The following PEPD variants were observed in gnomAD, a reference collection of about 807,000 sequenced individuals.
The protein encoded by PEPD is peptidase D, also known as xaa-Pro dipeptidase.
In PEPD, 53 loss-of-function variants were observed where a neutral mutation model predicts 60.7. The observed-to-expected ratio is 0.87, with a 90% CI of 0.70 to 1.10. The LOEUF is 1.10. Among genes scored for constraint, PEPD ranks in the 50% least tolerant of loss-of-function variants. The pLI is 0.00. For missense variants in PEPD, 711 were observed against 711.9 expected (o/e 1.00, Z 0.01); for synonymous variants, 267 against 284.1 (o/e 0.94, Z 0.60).
chr19:33,393,407 C>T (rs966742896), intron 12 of PEPD, among the ~76,000 whole-genome samples: 6 of 152,178 alleles, frequency 3.9e-5, no homozygotes, highest in African/African-American at 7.2e-5. Flanking sequence ...TGGCCCAGCC[C>T]GCACCCCTGG....
At chr19:33,458,048 C>T (rs73035092) in intron 9 of PEPD, among the ~76,000 whole-genome samples, 5 of 152,042 alleles carry the variant, frequency 3.3e-5, no homozygotes, top group Non-Finnish European at 7.4e-5. Context: ...GTATGTGAGG[C>T]ATGTGGTGGG....
chr19:33,411,179 C>T (rs894260674), intron 11 of PEPD, among the ~76,000 whole-genome samples: 2 of 152,222 alleles, frequency 1.3e-5, no homozygotes, highest in Non-Finnish European at 2.9e-5. Flanking sequence ...CACGGGTCAG[C>T]ACTGCTGACT....
Position 33,519,966 on chromosome 19 carries a change from C to T in PEPD, c.17+1778G>A, listed in dbSNP as rs555286121. ...CCTGTAATTCCAGCTACTCAGGAGG[C>T]TGAGGCAGAAGACTCGCTTGAACCT... is the stretch of plus-strand genomic sequence containing the variant. On this transcript the variant is annotated intron_variant, in intron 1 of 14. Coordinates refer to ENST00000244137, the MANE Select transcript of PEPD (RefSeq NM_000285.4). Among the ~76,000 whole-genome samples, 18 of 151,992 alleles carry T rather than the reference C, an allele frequency of 1.2e-4. No homozygotes were observed. The South Asian group carries it at 3.7e-3, about 32-fold the overall frequency.
At chr19:33,442,147 C>A (rs568673076) in intron 9 of PEPD, among the ~76,000 whole-genome samples, 6 of 152,172 alleles carry the variant, frequency 3.9e-5, no homozygotes, top group African/African-American at 1.4e-4. Context: ...GCCTGTAATC[C>A]CAGCACTTTA....
chr19:33,450,178 G>A (rs959469736), intron 9 of PEPD, among the ~76,000 whole-genome samples: 2 of 152,180 alleles, frequency 1.3e-5, no homozygotes, highest in African/African-American at 2.4e-5. Context: ...TGAGTTGCTC[G>A]TCCCTCCAGA....
chr19:33,496,523 T>G (rs775531431), intron 4 of PEPD, among the ~76,000 whole-genome samples: 1 of 152,050 alleles, frequency 6.6e-6, no homozygotes, highest in Non-Finnish European at 1.5e-5. Flanking sequence ...AGTGCTACGC[T>G]CTCATCAGCA....
rs750217246 is a variant in PEPD, at chr19:33,493,296, G to A, written c.435C>T (p.Leu145=). ...CTGGACACCAGCCACTTACCAAAGT[G>A]AGGAGGACAGAGGGCTTCTGTGACG... The part of the protein sequence containing the change: ...VLTSQKPSVL[L]TLRGVNTDSG... Residue 145 remains leucine, a synonymous_variant, in exon 5 of 15, where the codon CTC becomes CTT. Coordinates refer to ENST00000244137, the MANE Select transcript of PEPD (RefSeq NM_000285.4). 6.2e-7 allele frequency: 1 copy of A among 1,612,890 alleles called. No homozygotes were observed. Among genetic ancestry groups the A allele is most frequent in the South Asian group, 1.1e-5 (1 of 91,022 alleles).
At chr19:33,505,239 C>A (rs997006217) in intron 3 of PEPD, among the ~76,000 whole-genome samples, 55 of 152,134 alleles carry the variant, frequency 3.6e-4, no homozygotes, top group African/African-American at 1.3e-3. Flanking sequence ...TGCTGCCTCG[C>A]CGACTCTCAC....
chr19:33,431,367 C>T (rs544185608), intron 9 of PEPD, among the ~76,000 whole-genome samples: 3 of 152,222 alleles, frequency 2.0e-5, no homozygotes, highest in African/African-American at 7.2e-5. Context: ...TCCAGGTCCC[C>T]GCCGGAGGCC....
At chr19:33,515,138 C>T (rs1971002086) in intron 1 of PEPD, among the ~76,000 whole-genome samples, 1 of 152,220 alleles carries the variant, frequency 6.6e-6, no homozygotes, top group Non-Finnish European at 1.5e-5. Flanking sequence ...TGGTGCCTTG[C>T]CTGACACACA....
intron 11 of PEPD, 47 bp from the exon 12 acceptor site, chr19:33,401,916 C>T: frequency 6.3e-7 from 1 of 1,593,518 alleles, no homozygotes; most frequent in Non-Finnish European, 8.6e-7. Flanking sequence ...GGTGCCACCG[C>T]CCCCTTACCC....
chr19:33,521,696 G>A (rs754079842), intron 1 of PEPD, 48 bp downstream of exon 1: 15 of 1,558,562 alleles, frequency 9.6e-6, no homozygotes, highest in Non-Finnish European at 1.3e-5. Flanking sequence ...GGACACCCAT[G>A]CCCCTCTCCA....
intron 14 of PEPD, 32 bp from the exon 15 acceptor site, chr19:33,387,513 A>G: frequency 1.2e-6 from 2 of 1,612,182 alleles, no homozygotes; most frequent in Non-Finnish European, 1.7e-6. Context: ...ACATTATCAT[A>G]GAGCAGCCTC....
At chr19:33,459,330 T>A (rs1208233651) in intron 9 of PEPD, among the ~76,000 whole-genome samples, 47 of 152,154 alleles carry the variant, frequency 3.1e-4, no homozygotes, top group Admixed American at 3.1e-3. Context: ...GTCATACACA[T>A]CGCGTTATTA....
At chr19:33,387,665 C>T (rs980510670) in intron 14 of PEPD, 184 bp from the exon 15 acceptor site, 2 of 844,954 alleles carry the variant, frequency 2.4e-6, no homozygotes, top group Non-Finnish European at 3.8e-6. Flanking sequence ...CCTGTCTTTG[C>T]CAGGTGGATG....
intron 9 of PEPD, among the ~76,000 whole-genome samples, chr19:33,452,735 T>C (rs192182635): frequency 3.5e-4 from 54 of 152,326 alleles, no homozygotes; most frequent in African/African-American, 1.3e-3. Flanking sequence ...ACTTACTGAC[T>C]CTAAAAGTGA....
intron 7 of PEPD, among the ~76,000 whole-genome samples, chr19:33,475,876 T>C (rs932681780): frequency 1.3e-5 from 2 of 152,202 alleles, no homozygotes; most frequent in African/African-American, 4.8e-5. Context: ...CTTTATTTTT[T>C]TGAGACAAGG....
intron 9 of PEPD, among the ~76,000 whole-genome samples, chr19:33,459,079 C>G (rs1366543798): frequency 6.6e-6 from 1 of 152,018 alleles, no homozygotes; most frequent in Non-Finnish European, 1.5e-5. Context: ...CTGACGGGGA[C>G]AGGAGCTGCG....
intron 9 of PEPD, among the ~76,000 whole-genome samples, chr19:33,460,597 C>T (rs1354578976): frequency 6.6e-6 from 1 of 152,194 alleles, no homozygotes; most frequent in Admixed American, 6.5e-5. Flanking sequence ...TACCCACCCC[C>T]CTGCTCTAAG....
Sources: allele counts gnomAD v4.1 joint callset (sites outside exome capture counted in the v4.1 genomes callset), GRCh38; gene constraint gnomAD v4.1.1; transcripts MANE v1.5; gene names NCBI Gene and HGNC (gene_info 2026-07-23, HGNC 2026-07-21).